Variants in SYT16 observed in about 807,000 individuals in gnomAD.
The protein encoded by SYT16 is synaptotagmin 16.
A neutral mutation model predicts 61.4 loss-of-function variants in SYT16; 42 were observed. The ratio of observed to expected loss-of-function variants is 0.68; its 90% CI spans 0.53 to 0.89. The LOEUF is 0.89. SYT16 is among the 40% of genes least tolerant of loss of function. SYT16 has a pLI of 0.00. For missense variants in SYT16, 804 were observed against 807.3 expected, an observed-to-expected ratio of 1.00 and a Z score of 0.05; for synonymous variants, 314 against 302.3, an observed-to-expected ratio of 1.04 and a Z score of -0.40.
intron 3 of SYT16, among the ~76,000 whole-genome samples, chr14:62,009,308 A>T (rs962611152): frequency 6.6e-6 from 1 of 152,222 alleles, no homozygotes; most frequent in African/African-American, 2.4e-5. Flanking sequence ...ACATCATGAC[A>T]TATCAAAAAA....
At chr14:61,867,039 T>G (rs929205200) in intron 1 of SYT16, among the ~76,000 whole-genome samples, 30 of 152,010 alleles carry the variant, frequency 2.0e-4, no homozygotes, top group African/African-American at 6.8e-4. Flanking sequence ...TCTAGGCATT[T>G]TTCCTGAAAA....
chr14:61,844,890 G>T (rs1021537460), intron 1 of SYT16, among the ~76,000 whole-genome samples: 1 of 152,068 alleles, frequency 6.6e-6, no homozygotes, highest in Admixed American at 6.6e-5. Context: ...GGCAATTCTG[G>T]CATTATAGAA....
At chr14:61,931,521 C>G (rs1439306917) in intron 1 of SYT16, among the ~76,000 whole-genome samples, 3 of 152,154 alleles carry the variant, frequency 2.0e-5, no homozygotes, top group African/African-American at 7.2e-5. Context: ...ATGCCTACAT[C>G]TGTATTTTAT....
At chr14:62,036,073 A>G (rs972529854) in intron 3 of SYT16, among the ~76,000 whole-genome samples, 2 of 152,128 alleles carry the variant, frequency 1.3e-5, no homozygotes, top group African/African-American at 4.8e-5. Context: ...AGAGCTTCAG[A>G]TTATTTTGGT....
chr14:62,110,989 C>T lies in SYT16; in HGVS notation c.*10282C>T, dbSNP rs910618560. On this transcript the variant is annotated 3_prime_UTR_variant, in exon 8 of 8. Transcript: ENST00000683842. ...TTCTTCATAAATGCCCTTTTACTAT[C>T]CCACAGAAAAAGTAAAGATTTAAAA... The T allele has an allele frequency of 6.6e-6, 1 of 152,006 alleles. No homozygotes were observed. The highest frequency in any genetic ancestry group is 2.4e-5 in the African/African-American group (1 of 41,420). 9.4% of individuals were successfully genotyped at this position (152,006 alleles called of 1,614,324 possible). A position where few individuals can be genotyped will look rare whatever the true frequency, so the allele number is the denominator to read the frequency against.
chr14:61,847,197 T>C (rs1051755048), intron 1 of SYT16, among the ~76,000 whole-genome samples: 3 of 152,236 alleles, frequency 2.0e-5, no homozygotes, highest in African/African-American at 4.8e-5. Flanking sequence ...TTCTTCCTAA[T>C]TGAAGTACTT....
At chr14:61,986,008 G>A (rs999888940) in intron 2 of SYT16, among the ~76,000 whole-genome samples, 1 of 152,232 alleles carries the variant, frequency 6.6e-6, no homozygotes, top group Non-Finnish European at 1.5e-5. Context: ...AACTTACCAA[G>A]TGTAATTCTA....
chr14:61,982,096 T>G (rs1366582052), intron 2 of SYT16, among the ~76,000 whole-genome samples: 5 of 152,130 alleles, frequency 3.3e-5, no homozygotes, highest in African/African-American at 4.8e-5. Context: ...TAGCTCTGAG[T>G]CTTATTTTTA....
rs1566854967 is a variant in SYT16, at chr14:62,103,744, A to G, written c.*3037A>G. ...GGGGGTGTCTTGCCTTCCCTAACAT[A>G]AGAAGAATTTGTAATGTCTTTGGAT... On this transcript the variant is annotated 3_prime_UTR_variant, in exon 8 of 8. Transcript: ENST00000683842. 2 of 152,184 alleles carry G rather than the reference A, an allele frequency of 1.3e-5. No individual in the cohort carries two copies. The highest frequency in any genetic ancestry group is 2.4e-5 in the African/African-American group (1 of 41,434). 9.4% of individuals were successfully genotyped at this position (152,184 alleles called of 1,614,324 possible). A position where few individuals can be genotyped will look rare whatever the true frequency, so the allele number is the denominator to read the frequency against.
intron 1 of SYT16, among the ~76,000 whole-genome samples, chr14:61,813,204 G>C (rs542831036): frequency 6.6e-6 from 1 of 152,362 alleles, no homozygotes; most frequent in Admixed American, 6.5e-5. Context: ...GGGTTTGTGC[G>C]TCTGCCTTTT....
chr14:61,996,193 T>C lies in SYT16; in HGVS notation c.174T>C (p.Asp58=), dbSNP rs2052760543. Residue 58 remains aspartate, a synonymous_variant, in exon 3 of 8, where the codon GAT becomes GAC. Transcript: ENST00000683842. ...KLSDKLDQDL[D]NIQIQETYFE... ...GTGACAAACTAGATCAGGACTTAGA[T>C]AATATTCAGATTCAGGAAACGTACT... is the stretch of plus-strand genomic sequence containing the variant. 3 of 1,613,386 alleles carry C rather than the reference T, an allele frequency of 1.9e-6. No individual in the cohort carries two copies.
chr14:61,860,893 G>A lies in SYT16; in HGVS notation c.-325+48083G>A, dbSNP rs528781046. Among the ~76,000 whole-genome samples, 7 of 152,336 alleles carry A rather than the reference G, an allele frequency of 4.6e-5. No individual in the cohort carries two copies. In the South Asian group the frequency reaches 1.4e-3, roughly 32 times the overall value. Reference sequence around the variant, plus strand: ...GGCCTAATGCAGTGGGAAGATGCAAGTGTTGAGGAAGTATTCAAGTGAGGT... The same window carrying A: ...GGCCTAATGCAGTGGGAAGATGCAAATGTTGAGGAAGTATTCAAGTGAGGT... On this transcript the variant is annotated intron_variant, in intron 1 of 7. Transcript: ENST00000683842.
At chr14:61,847,304 A>T (rs1412832667) in intron 1 of SYT16, among the ~76,000 whole-genome samples, 2 of 152,188 alleles carry the variant, frequency 1.3e-5, no homozygotes, top group African/African-American at 4.8e-5. Context: ...TCTTTGAAGG[A>T]TATTTTTGCT....
chr14:62,004,645 T>C (rs1299759262), intron 3 of SYT16, among the ~76,000 whole-genome samples: 1 of 152,146 alleles, frequency 6.6e-6, no homozygotes, highest in Non-Finnish European at 1.5e-5. Context: ...AGAGAAATAA[T>C]TGTCATTATT....
chr14:61,935,511 A>C (rs2049944533), intron 1 of SYT16, among the ~76,000 whole-genome samples: 1 of 152,172 alleles, frequency 6.6e-6, no homozygotes, highest in Admixed American at 6.5e-5. Context: ...CTTTGTAACC[A>C]ATGGGCACCT....
intron 3 of SYT16, among the ~76,000 whole-genome samples, chr14:62,019,296 A>G (rs1245155858): frequency 6.6e-6 from 1 of 152,234 alleles, no homozygotes; most frequent in Non-Finnish European, 1.5e-5. Context: ...GGAACTAAAC[A>G]CAGAAATGAA....
At chr14:62,040,899 T>A (rs1336554353) in intron 3 of SYT16, among the ~76,000 whole-genome samples, 1 of 152,054 alleles carries the variant, frequency 6.6e-6, no homozygotes, top group East Asian at 1.9e-4. Context: ...CTTATTGAAT[T>A]AGGGTTCTCT....
At chr14:61,950,450 A>G (rs898827058) in intron 1 of SYT16, among the ~76,000 whole-genome samples, 6 of 152,202 alleles carry the variant, frequency 3.9e-5, no homozygotes, top group Admixed American at 1.3e-4. Flanking sequence ...CTTGATGTGT[A>G]GTGATAATCA....
intron 7 of SYT16, among the ~76,000 whole-genome samples, chr14:62,089,463 A>G (rs1046624211): frequency 8.5e-5 from 13 of 152,242 alleles, no homozygotes; most frequent in African/African-American, 3.1e-4. Flanking sequence ...CTATCTGTCT[A>G]TCAATCATCT....
Sources: gnomAD v4.1 joint callset for allele counts (sites outside exome capture counted in the v4.1 genomes callset) on GRCh38, gnomAD v4.1.1 for gene constraint, MANE v1.5 for transcripts, NCBI Gene and HGNC (gene_info 2026-07-23, HGNC 2026-07-21) for gene names.